The following ZFYVE21 variants were observed in gnomAD, a reference collection of about 807,000 sequenced individuals.
ZFYVE21 encodes zinc finger FYVE-type containing 21, also known as zinc finger FYVE domain-containing protein 21.
A neutral mutation model predicts 29.5 loss-of-function variants in ZFYVE21; 21 were observed. The ratio of observed to expected loss-of-function variants is 0.71; its 90% CI spans 0.50 to 1.02. ZFYVE21 has a LOEUF of 1.02. Ranked by LOEUF, ZFYVE21 falls within the 50% of genes least tolerant of loss-of-function variation. The pLI is 0.00. For synonymous variants in ZFYVE21, 151 were observed against 133.8 expected (o/e 1.13, Z -0.89); for missense variants, 326 against 335.4 (o/e 0.97, Z 0.22).
At chr14:103,726,999 G>A in intron 2 of ZFYVE21, 157 bp downstream of exon 2, 1 of 693,918 alleles carries the variant, frequency 1.4e-6, no homozygotes, top group Non-Finnish European at 2.3e-6. Context: ...AGGCTGGAGT[G>A]CAGTGGCTCC....
At chr14:103,726,638 G>C in intron 1 of ZFYVE21, 154 bp from the exon 2 acceptor site, 1 of 944,738 alleles carries the variant, frequency 1.1e-6, no homozygotes, top group South Asian at 1.5e-5. Context: ...CAGGCGGCCA[G>C]TCCACCGTCC....
Position 103,728,068 on chromosome 14 carries a change from C to T in ZFYVE21, c.358+154C>T, listed in dbSNP as rs2083945126. ...GTTTTCTTCTGGATTCGTTTAGAAG[C>T]GGTTATAGAGCCTTCCCTTCTTTTC... On this transcript the variant is annotated intron_variant, in intron 3 of 6. Transcript: ENST00000311141. 24 of 818,904 alleles carry T rather than the reference C, an allele frequency of 2.9e-5. No homozygotes were observed. In the South Asian group the frequency reaches 4.3e-4, roughly 15 times the overall value. The allele number at this position is 818,904 out of a possible 1,614,324, so 50.7% of individuals were successfully genotyped here.
In ZFYVE21 at chr14:103,732,933, A is replaced by G. The variant is rs529588434; in HGVS notation, c.670-50A>G. On this transcript the variant is annotated intron_variant, in intron 6 of 6. Transcript: ENST00000311141. ...AAATGCACACAGGCTTGGCTCCACC[A>G]GGCACAGGACCAAGCAGGCCTCACT... The G allele has an allele frequency of 9.9e-6, 16 of 1,613,792 alleles. 1 individual carries two copies. In the South Asian group the frequency reaches 1.6e-4, roughly 17 times the overall value.
chr14:103,723,582 G>A (rs745456445), intron 1 of ZFYVE21, among the ~76,000 whole-genome samples: 1 of 152,254 alleles, frequency 6.6e-6, no homozygotes, highest in Non-Finnish European at 1.5e-5. Context: ...CATGGAACTC[G>A]GCAGGGATGA....
At position 103,733,042 on chromosome 14, in the gene ZFYVE21, G is replaced by A. The variant is rs113873376; in HGVS notation, c.*24G>A. The A allele has an allele frequency of 1.1e-3, 1,766 of 1,614,130 alleles. 20 individuals carry two copies. In the African/African-American group the frequency reaches 0.021, roughly 19 times the overall value. ...AACTCTACGTGGGGCTGAGCTTGGA[G>A]TACGTGTGGTCACCAGGACTGAGTC... On this transcript the variant is annotated 3_prime_UTR_variant, in exon 7 of 7. Coordinates refer to ENST00000311141, the MANE Select transcript of ZFYVE21 (RefSeq NM_024071.4).
At chr14:103,717,275 CCTT>C (rs1275318709) in intron 1 of ZFYVE21, among the ~76,000 whole-genome samples, 4 of 152,208 alleles carry the variant, frequency 2.6e-5, no homozygotes, top group Admixed American at 6.5e-5. Context: ...CAATCATCCT[CCTT>C]CATCTTTTTT....
rs1020067831 is a variant in ZFYVE21 at position 103,732,740 on chromosome 14, C to T, written c.647C>T (p.Ala216Val). 1.7e-5 allele frequency: 27 copies of T among 1,612,724 alleles called. No individual in the cohort carries two copies. Among genetic ancestry groups the T allele is most frequent in the Non-Finnish European group, 2.2e-5 (26 of 1,179,622 alleles). ...ACTGTGGGCAGGAGGCAGGCGGTGG[C>T]GTGGCTAGTGGCCATGCACAAGGTA... ...DVTVGRRQAV[A>V]WLVAMHKAAK... The change falls in exon 6 of 7, where the codon GCG (alanine) becomes GTG (valine). Residue 216 changes from alanine to valine, a missense_variant. Physicochemically the swap from Ala to Val is moderately conservative, Grantham distance 64. Coordinates refer to ENST00000311141, the MANE Select transcript of ZFYVE21 (RefSeq NM_024071.4).
chr14:103,732,438 G>T, intron 5 of ZFYVE21, 182 bp from the exon 6 acceptor site: 1 of 629,162 alleles, frequency 1.6e-6, no homozygotes, highest in Non-Finnish European at 2.4e-6. Context: ...TGAGCTTGGG[G>T]TCTCCCCTCA....
At position 103,727,511 on chromosome 14, in the gene ZFYVE21, A is replaced by G. The variant is rs954197141; in HGVS notation, c.190-235A>G. On this transcript the variant is annotated intron_variant, in intron 2 of 6. Coordinates refer to ENST00000311141, the MANE Select transcript of ZFYVE21 (RefSeq NM_024071.4). ...TTGGGTAGTTGAAAGAAAGCTGAAA[A>G]ACAGCCATTTTGATCCATGATTTTG... is the stretch of plus-strand genomic sequence containing the variant. 4 of 683,376 alleles carry G rather than the reference A, an allele frequency of 5.9e-6. No homozygotes were observed. In the South Asian group the frequency reaches 6.0e-5, roughly 10 times the overall value. The allele number at this position is 683,376 out of a possible 1,614,324, so 42.3% of individuals were successfully genotyped here.
intron 1 of ZFYVE21, among the ~76,000 whole-genome samples, chr14:103,720,382 G>A (rs1293032888): frequency 6.6e-6 from 1 of 152,072 alleles, no homozygotes; most frequent in African/African-American, 2.4e-5. Flanking sequence ...TTTGATTGGC[G>A]AGTTCTTGGG....
intron 5 of ZFYVE21, chr14:103,729,789 A>G (rs2083958468): frequency 4.6e-6 from 7 of 1,536,298 alleles, no homozygotes; most frequent in Non-Finnish European, 6.1e-6. Context: ...CCTTCTTGCC[A>G]TAGAAAAAGA....
In ZFYVE21 at chr14:103,728,921, C is replaced by T. The variant is rs368861144; in HGVS notation, c.372C>T (p.Leu124=). The T allele has an allele frequency of 9.9e-6, 16 of 1,613,934 alleles. No individual in the cohort carries two copies. The highest frequency in any genetic ancestry group is 1.7e-5 in the Admixed American group (1 of 59,982). The part of the protein sequence containing the change: ...LKVLLSGATF[L]VTFGNSEKPE... ...TGTGTTCCCAAGGAGCCACCTTCCT[C>T]GTCACGTTTGGAAACTCAGAGAAAC... is the stretch of plus-strand genomic sequence containing the variant. Residue 124 remains leucine, a synonymous_variant, in exon 4 of 7, where the codon CTC becomes CTT. Coordinates refer to ENST00000311141, the MANE Select transcript of ZFYVE21 (RefSeq NM_024071.4).
At chr14:103,721,819 T>G (rs772012488) in intron 1 of ZFYVE21, among the ~76,000 whole-genome samples, 1 of 152,264 alleles carries the variant, frequency 6.6e-6, no homozygotes, top group Admixed American at 6.5e-5. Flanking sequence ...TGGGTTGTTC[T>G]TGGAGGTTTT....
At chr14:103,721,364 G>T (rs189893997) in intron 1 of ZFYVE21, among the ~76,000 whole-genome samples, 1 of 152,158 alleles carries the variant, frequency 6.6e-6, no homozygotes, top group East Asian at 1.9e-4. Flanking sequence ...CCTGATCCTC[G>T]CTCCCTCTTG....
chr14:103,717,224 C>T (rs1354693078), intron 1 of ZFYVE21, among the ~76,000 whole-genome samples: 1 of 152,224 alleles, frequency 6.6e-6, no homozygotes, highest in African/African-American at 2.4e-5. Context: ...CACCTCTCCC[C>T]AGTATCGCCA....
chr14:103,726,635 C>A, intron 1 of ZFYVE21, 157 bp from the exon 2 acceptor site: 1 of 906,322 alleles, frequency 1.1e-6, no homozygotes, highest in Admixed American at 2.0e-5. Flanking sequence ...GCACAGGCGG[C>A]CAGTCCACCG....
At chr14:103,725,655 G>T (rs1304879227) in intron 1 of ZFYVE21, 2 of 152,284 alleles carry the variant, frequency 1.3e-5, no homozygotes, top group African/African-American at 4.8e-5. Flanking sequence ...TCAGTGGGGG[G>T]CTTCAGCATA....
chr14:103,729,572 T>G, intron 5 of ZFYVE21: 1 of 615,942 alleles, frequency 1.6e-6, no homozygotes, highest in Non-Finnish European at 2.8e-6. Flanking sequence ...GCCCTCCTCC[T>G]GCAGGCGTCT....
chr14:103,729,800 C>A, intron 5 of ZFYVE21: 1 of 1,536,502 alleles, frequency 6.5e-7, no homozygotes, highest in South Asian at 1.2e-5. Context: ...TAGAAAAAGA[C>A]ATTCACGCTT....
Sources: gnomAD v4.1 joint callset for allele counts (sites outside exome capture counted in the v4.1 genomes callset) on GRCh38, gnomAD v4.1.1 for gene constraint, MANE v1.5 for transcripts, NCBI Gene and HGNC (gene_info 2026-07-23, HGNC 2026-07-21) for gene names.